The following XKR6 variants were observed in gnomAD, a reference collection of about 807,000 sequenced individuals.
XKR6 encodes the protein XK related 6.
A neutral mutation model predicts 56.7 loss-of-function variants in XKR6; 22 were observed. That is an observed-to-expected ratio of 0.39 (90% CI 0.28 to 0.55). XKR6 has a LOEUF of 0.55. Among genes scored for constraint, XKR6 ranks in the 20% least tolerant of loss-of-function variants. XKR6 has a pLI of 0.66. For missense variants in XKR6, 852 were observed against 889.0 expected (o/e 0.96, Z 0.53); for synonymous variants, 524 against 387.8 (o/e 1.35, Z -4.13).
chr8:10,913,383 C>T lies in XKR6; in HGVS notation c.961+11251G>A, dbSNP rs140693862. On this transcript the variant is annotated intron_variant, in intron 2 of 2. Transcript: ENST00000416569. The stretch of plus-strand genomic sequence containing the variant: ...CAATTTATAAGGTGAAAATGAGGCT[C>T]ACAGAGGTTAACCGTTGCCTTGCCC... Among the ~76,000 whole-genome samples, 37 of 152,132 alleles carry T rather than the reference C, an allele frequency of 2.4e-4. 1 individual carries two copies. The East Asian group carries it at 6.0e-3, about 25-fold the overall frequency.
intron 1 of XKR6, among the ~76,000 whole-genome samples, chr8:10,937,809 T>C (rs1801258032): frequency 6.6e-6 from 1 of 151,908 alleles, no homozygotes; most frequent in Admixed American, 6.5e-5. Flanking sequence ...TTCAAAGCTG[T>C]CAGACAGGGA....
At chr8:11,086,148 A>ATATATATAT (rs71203369) in intron 1 of XKR6, among the ~76,000 whole-genome samples, 4 of 120,722 alleles carry the variant, frequency 3.3e-5, no homozygotes, top group Non-Finnish European at 5.0e-5. Context: ...ATATATATAT[A>ATATATATAT]TTTTTTTTTA....
At chr8:11,169,622 C>T (rs1161339776) in intron 1 of XKR6, among the ~76,000 whole-genome samples, 1 of 152,106 alleles carries the variant, frequency 6.6e-6, no homozygotes, top group Non-Finnish European at 1.5e-5. Flanking sequence ...TTATCAGAGG[C>T]TGGAGAAAGG....
chr8:10,993,529 A>G (rs1798040876), intron 1 of XKR6, among the ~76,000 whole-genome samples: 1 of 152,202 alleles, frequency 6.6e-6, no homozygotes, highest in South Asian at 2.1e-4. Context: ...TTCAGGGTGG[A>G]CACGCTGCAG....
chr8:10,990,299 A>C (rs936544553), intron 1 of XKR6, among the ~76,000 whole-genome samples: 2 of 152,198 alleles, frequency 1.3e-5, no homozygotes, highest in African/African-American at 4.8e-5. Context: ...CTCTTAGACC[A>C]GCAGGTGGGA....
intron 1 of XKR6, among the ~76,000 whole-genome samples, chr8:10,972,904 T>A (rs1031105440): frequency 1.3e-5 from 2 of 152,220 alleles, no homozygotes; most frequent in East Asian, 3.9e-4. Context: ...AACATTTTTT[T>A]AAAGAGCTAT....
intron 1 of XKR6, among the ~76,000 whole-genome samples, chr8:11,148,612 G>C (rs1177811745): frequency 6.6e-6 from 1 of 152,206 alleles, no homozygotes; most frequent in African/African-American, 2.4e-5. Context: ...CTGGAAAACA[G>C]TTTCGCAGTT....
At chr8:11,179,706 C>T (rs1489611526) in intron 1 of XKR6, among the ~76,000 whole-genome samples, 2 of 152,322 alleles carry the variant, frequency 1.3e-5, no homozygotes, top group South Asian at 2.1e-4. Flanking sequence ...GCAGGACTTT[C>T]ACACTGTTTG....
intron 1 of XKR6, among the ~76,000 whole-genome samples, chr8:11,006,442 A>T (rs1344011849): frequency 1.3e-5 from 2 of 152,188 alleles, no homozygotes; most frequent in African/African-American, 4.8e-5. Context: ...CATGCCAGTC[A>T]TTGGAGACAT....
At chr8:11,166,717 T>C (rs1180829311) in intron 1 of XKR6, among the ~76,000 whole-genome samples, 3 of 152,012 alleles carry the variant, frequency 2.0e-5, no homozygotes, top group Non-Finnish European at 4.4e-5. Flanking sequence ...GGATTACAAG[T>C]GCCCACCACC....
chr8:10,989,370 T>C (rs1163283022), intron 1 of XKR6, among the ~76,000 whole-genome samples: 13 of 152,374 alleles, frequency 8.5e-5, no homozygotes, highest in Admixed American at 2.6e-4. Flanking sequence ...TGATTTACCA[T>C]AGGACCTCAT....
At chr8:11,087,407 T>C (rs1198329654) in intron 1 of XKR6, among the ~76,000 whole-genome samples, 1 of 152,170 alleles carries the variant, frequency 6.6e-6, no homozygotes. Flanking sequence ...CTCATGTCAA[T>C]CTCAGCAGTC....
At chr8:10,970,266 T>C (rs1272000925) in intron 1 of XKR6, among the ~76,000 whole-genome samples, 1 of 152,190 alleles carries the variant, frequency 6.6e-6, no homozygotes, top group African/African-American at 2.4e-5. Flanking sequence ...GTACCAGGTC[T>C]TGGCAGAGTG....
intron 1 of XKR6, among the ~76,000 whole-genome samples, chr8:11,152,171 T>C (rs1801300227): frequency 1.3e-5 from 2 of 152,204 alleles, no homozygotes; most frequent in Admixed American, 6.5e-5. Flanking sequence ...CTTGGGAATC[T>C]TAGGGCCTGA....
At chr8:10,994,738 G>A (rs944042709) in intron 1 of XKR6, among the ~76,000 whole-genome samples, 3 of 152,196 alleles carry the variant, frequency 2.0e-5, no homozygotes, top group Non-Finnish European at 2.9e-5. Flanking sequence ...TTTTATCGAT[G>A]AGGAAACTAA....
chr8:10,942,719 C>T (rs1009181951), intron 1 of XKR6, among the ~76,000 whole-genome samples: 4 of 152,226 alleles, frequency 2.6e-5, no homozygotes, highest in Non-Finnish European at 1.5e-5. Flanking sequence ...CCAAAGCACT[C>T]GCGAGCTCAC....
intron 1 of XKR6, among the ~76,000 whole-genome samples, chr8:11,118,644 C>T (rs1166324856): frequency 2.6e-5 from 4 of 152,102 alleles, no homozygotes; most frequent in South Asian, 2.1e-4. Flanking sequence ...TCTGTGGGAT[C>T]GGTGGTGATA....
intron 1 of XKR6, among the ~76,000 whole-genome samples, chr8:11,039,682 G>A (rs1350013730): frequency 2.6e-5 from 4 of 152,224 alleles, no homozygotes; most frequent in African/African-American, 9.6e-5. Context: ...CCCTCCACAA[G>A]GACTCCCACC....
chr8:11,200,142 G>A lies in XKR6; in HGVS notation c.764+434C>T, dbSNP rs1171540182. Among the ~76,000 whole-genome samples the A allele has an allele frequency of 6.6e-6, 1 of 152,234 alleles. No homozygotes were observed. The highest frequency in any genetic ancestry group is 1.5e-5 in the Non-Finnish European group (1 of 68,044). On this transcript the variant is annotated intron_variant, in intron 1 of 2. Coordinates refer to ENST00000416569, the MANE Select transcript of XKR6 (RefSeq NM_173683.4). This position sits in a 1 kb window ranked among gnomAD's most constrained non-coding sequence, Gnocchi z 6.4. ...AGGCCACTGCAGAGGGAGAACGGGG[G>A]AAGAGGGGAGGATGTCTCACCTGGG...
Sources: allele counts gnomAD v4.1 joint callset (sites outside exome capture counted in the v4.1 genomes callset), GRCh38; gene constraint gnomAD v4.1.1; non-coding constraint Gnocchi (gnomAD v3.1); transcripts MANE v1.5; gene names NCBI Gene and HGNC (gene_info 2026-07-23, HGNC 2026-07-21).